DIAPH2: variants seen among roughly 807,000 people sequenced by gnomAD.
DIAPH2 encodes the protein diaphanous related formin 2.
DIAPH2 carries 35 observed loss-of-function variants against 92.7 expected under a neutral mutation model. That is an observed-to-expected ratio of 0.38 (90% CI 0.29 to 0.50). The LOEUF (loss-of-function observed/expected upper bound fraction) is 0.50. Ranked by LOEUF, DIAPH2 falls within the 20% of genes least tolerant of loss-of-function variation. The pLI, the probability that DIAPH2 is intolerant of heterozygous loss-of-function variation, is 0.94. For synonymous variants in DIAPH2, 301 were observed against 280.4 expected, an observed-to-expected ratio of 1.07 and a Z score of -0.73; for missense variants, 701 against 819.5, an observed-to-expected ratio of 0.86 and a Z score of 1.77.
chrX:97,569,927 T>G (rs964613746), intron 26 of DIAPH2, among the ~76,000 whole-genome samples: 1 of 104,818 alleles, frequency 9.5e-6, no homozygotes, highest in African/African-American at 3.4e-5. Context: ...TATGACAAGT[T>G]AAATCTGTTC....
chrX:96,707,190 A>G (rs916155531), intron 1 of DIAPH2, among the ~76,000 whole-genome samples: 1 of 109,063 alleles, frequency 9.2e-6, no homozygotes, highest in Non-Finnish European at 1.9e-5. Flanking sequence ...TGATTTAGAG[A>G]CAGAGTCTCG....
At chrX:96,725,912 C>A (rs1472569941) in intron 1 of DIAPH2, among the ~76,000 whole-genome samples, 3 of 111,798 alleles carry the variant, frequency 2.7e-5, no homozygotes, top group African/African-American at 9.7e-5. Context: ...CATCAGAAAA[C>A]TAAATGATGT....
In DIAPH2 at chrX:97,570,117, T is replaced by TATTAGAAG. The variant is rs1556242961; in HGVS notation, c.3242-29134_3242-29133insTAGAAGAT. On this transcript the variant is annotated intron_variant, in intron 26 of 26. Coordinates refer to ENST00000324765, the MANE Select transcript of DIAPH2 (RefSeq NM_006729.5). ...ATATATATATATATATATATATATATATATATTAGAAGATAGATAGATAGA... is the reference window on the plus strand; with the variant it reads ...ATATATATATATATATATATATATATATTAGAAGATATATTAGAAGATAGATAGATAGA... Among the ~76,000 whole-genome samples, 49 of 26,407 alleles carry TATTAGAAG rather than the reference T, an allele frequency of 1.9e-3. 1 individual carries two copies. The highest frequency in any genetic ancestry group is 5.8e-3 in the African/African-American group (48 of 8,206). The allele number at this position is 26,407 out of a possible 115,157, so 22.9% of individuals were successfully genotyped here. A position where few individuals can be genotyped will look rare whatever the true frequency, so the allele number is the denominator to read the frequency against.
At chrX:97,288,300 T>G in intron 23 of DIAPH2, among the ~76,000 whole-genome samples, 1 of 111,023 alleles carries the variant, frequency 9.0e-6, no homozygotes, top group Non-Finnish European at 1.9e-5. Context: ...TGGTCCAGAG[T>G]TAGAGCTTTA....
At chrX:97,095,112 T>C (rs1394480541) in intron 19 of DIAPH2, among the ~76,000 whole-genome samples, 3 of 58,484 alleles carry the variant, frequency 5.1e-5, no homozygotes, top group East Asian at 1.1e-3. Context: ...TTTTTTTTTT[T>C]TTTTTTTTTT....
intron 17 of DIAPH2, among the ~76,000 whole-genome samples, chrX:97,025,576 C>G (rs775269589): frequency 9.1e-6 from 1 of 109,984 alleles, no homozygotes; most frequent in African/African-American, 3.3e-5. Flanking sequence ...GGCGTGAACC[C>G]GGGAGGCGGA....
At chrX:97,078,731 T>C (rs1470817060) in intron 19 of DIAPH2, among the ~76,000 whole-genome samples, 7 of 111,102 alleles carry the variant, frequency 6.3e-5, no homozygotes, top group Non-Finnish European at 1.3e-4. Context: ...CTATTTATTT[T>C]ATTTTATCCT....
intron 22 of DIAPH2, among the ~76,000 whole-genome samples, chrX:97,143,685 G>C (rs992575944): frequency 1.8e-5 from 2 of 110,466 alleles, no homozygotes; most frequent in Non-Finnish European, 3.8e-5. Flanking sequence ...CATATCAAAG[G>C]GATACCTGTA....
intron 26 of DIAPH2, among the ~76,000 whole-genome samples, chrX:97,451,254 C>T (rs2070355950): frequency 9.0e-6 from 1 of 111,644 alleles, no homozygotes; most frequent in African/African-American, 3.3e-5. Flanking sequence ...CCTTCAGTAT[C>T]TTCCCATTTC....
chrX:97,259,974 C>T (rs776812231), intron 23 of DIAPH2, among the ~76,000 whole-genome samples: 24 of 111,540 alleles, frequency 2.2e-4, no homozygotes, highest in African/African-American at 7.5e-4. Context: ...GGATTACAGG[C>T]GCCCGTCACC....
chrX:97,152,645 A>G (rs2067293609), intron 22 of DIAPH2, among the ~76,000 whole-genome samples: 1 of 111,959 alleles, frequency 8.9e-6, no homozygotes, highest in Admixed American at 9.5e-5. Flanking sequence ...AACAAGAGAG[A>G]GTACAACTCG....
At chrX:96,772,469 T>G (rs2064345569) in intron 4 of DIAPH2, among the ~76,000 whole-genome samples, 1 of 111,987 alleles carries the variant, frequency 8.9e-6, no homozygotes, top group South Asian at 3.7e-4. Context: ...TTCCTGTCAG[T>G]GGTCCACTGA....
At chrX:97,495,300 A>G (rs965282098) in intron 26 of DIAPH2, among the ~76,000 whole-genome samples, 2 of 112,282 alleles carry the variant, frequency 1.8e-5, no homozygotes, top group Non-Finnish European at 3.8e-5. Flanking sequence ...TGGTGTTTCT[A>G]TGGGAGAACA....
At chrX:96,810,442 C>CA (rs200005655) in intron 4 of DIAPH2, among the ~76,000 whole-genome samples, 33,011 of 110,283 alleles carry the variant, frequency 0.3, 3,618 homozygotes, top group Admixed American at 0.38. Flanking sequence ...GGGTAGATTA[C>CA]AAAAATTTTC....
In DIAPH2 at chrX:96,738,602, G is replaced by A; in HGVS notation, c.182G>A (p.Ser61Asn). ...LADDVRDRIT[S>N]FRKSTVKKEK... Reference sequence around the variant, plus strand: ...TGTTTGCAGCGTGACCGAATTACAAGTTTTAGAAAATCTACTGTCAAAAAA... The same window carrying A: ...TGTTTGCAGCGTGACCGAATTACAAATTTTAGAAAATCTACTGTCAAAAAA... The change falls in exon 3 of 27, where the codon AGT (serine) becomes AAT (asparagine). Residue 61 changes from serine (S) to asparagine (N), a missense_variant. Coordinates refer to ENST00000324765, the MANE Select transcript of DIAPH2 (RefSeq NM_006729.5). 3 of 1,197,882 alleles carry A rather than the reference G, an allele frequency of 2.5e-6. No individual in the cohort carries two copies. Among genetic ancestry groups the A allele is most frequent in the Non-Finnish European group, 3.4e-6 (3 of 890,609 alleles).
intron 21 of DIAPH2, among the ~76,000 whole-genome samples, chrX:97,136,019 AATACAG>A (rs2067168293): frequency 8.9e-6 from 1 of 112,043 alleles, no homozygotes; most frequent in Non-Finnish European, 1.9e-5. Flanking sequence ...GCAGTCAACA[AATACAG>A]ATAGAGTGCC....
intron 17 of DIAPH2, among the ~76,000 whole-genome samples, chrX:97,064,602 A>C (rs1459811447): frequency 9.0e-6 from 1 of 110,685 alleles, no homozygotes; most frequent in Non-Finnish European, 1.9e-5. Flanking sequence ...CTCCTGCAGC[A>C]ATCACCAACC....
At chrX:97,098,537 A>C (rs1242383847) in intron 19 of DIAPH2, among the ~76,000 whole-genome samples, 1 of 112,789 alleles carries the variant, frequency 8.9e-6, no homozygotes, top group Admixed American at 9.4e-5. Context: ...TCAAAACTTC[A>C]TTCCTTTATG....
intron 4 of DIAPH2, among the ~76,000 whole-genome samples, chrX:96,872,648 C>A (rs537644920): frequency 9.2e-6 from 1 of 109,017 alleles, no homozygotes; most frequent in Admixed American, 9.9e-5. Context: ...CACGCCACCA[C>A]GCCCGGCTAA....
Sources: gnomAD v4.1 joint callset for allele counts (sites outside exome capture counted in the v4.1 genomes callset) on GRCh38, gnomAD v4.1.1 for gene constraint, MANE v1.5 for transcripts, NCBI Gene and HGNC (gene_info 2026-07-23, HGNC 2026-07-21) for gene names.